The following SHOC1 variants were observed in gnomAD, a reference collection of about 807,000 sequenced individuals.
SHOC1 encodes protein shortage in chiasmata 1 ortholog.
A neutral mutation model predicts 179.2 loss-of-function variants in SHOC1; 136 were observed. That is an observed-to-expected ratio of 0.76 (90% confidence interval 0.66 to 0.87). The LOEUF (loss-of-function observed/expected upper bound fraction) is 0.87. Ranked by LOEUF, SHOC1 falls within the 40% of genes least tolerant of loss-of-function variation. The probability of loss-of-function intolerance (pLI) is 0.00; values close to 1 mark genes in which losing one functional copy is unlikely to be tolerated. For missense variants in SHOC1, 1,538 were observed against 1,700.8 expected (o/e 0.90, Z 1.68); for synonymous variants, 489 against 586.6 (o/e 0.83, Z 2.41).
chr9:111,774,698 CTA>C (rs1183222816), intron 5 of SHOC1, among the ~76,000 whole-genome samples: 8 of 141,000 alleles, frequency 5.7e-5, no homozygotes, highest in South Asian at 4.5e-4. Context: ...CTCTCTCTCT[CTA>C]TATATATATC....
chr9:111,712,773 G>T (rs1428051321), intron 18 of SHOC1, among the ~76,000 whole-genome samples: 2 of 152,114 alleles, frequency 1.3e-5, no homozygotes, highest in Non-Finnish European at 2.9e-5. Flanking sequence ...ATGAACTTTA[G>T]TTTCTTTATT....
At chr9:111,725,671 T>C (rs1032210776) in intron 13 of SHOC1, among the ~76,000 whole-genome samples, 2 of 152,318 alleles carry the variant, frequency 1.3e-5, no homozygotes, top group African/African-American at 4.8e-5. Context: ...TCTGGAGAGA[T>C]GTATAAAAAG....
intron 5 of SHOC1, chr9:111,759,050 A>T: frequency 8.2e-7 from 1 of 1,220,654 alleles, no homozygotes; most frequent in Non-Finnish European, 1.1e-6. Context: ...AAATTTTAGT[A>T]TTATCTAGGA....
intron 12 of SHOC1, chr9:111,738,060 A>T: frequency 2.2e-6 from 1 of 447,142 alleles, no homozygotes; most frequent in Non-Finnish European, 3.9e-6. Flanking sequence ...ATAGAATTTT[A>T]GGACATAACA....
intron 5 of SHOC1, among the ~76,000 whole-genome samples, chr9:111,771,364 G>T (rs879521123): frequency 3.3e-5 from 5 of 152,038 alleles, no homozygotes; most frequent in Non-Finnish European, 5.9e-5. Context: ...TCTCTTAACA[G>T]GTTGCTATAG....
intron 19 of SHOC1, 139 bp from the exon 20 acceptor site, chr9:111,706,885 C>A: frequency 2.0e-6 from 1 of 491,322 alleles, no homozygotes; most frequent in East Asian, 3.2e-5. Context: ...GGTGCGTTTT[C>A]TGTTGATTTG....
intron 12 of SHOC1, among the ~76,000 whole-genome samples, chr9:111,730,413 C>G (rs1308826238): frequency 6.6e-6 from 1 of 152,134 alleles, no homozygotes; most frequent in Non-Finnish European, 1.5e-5. Flanking sequence ...AATAATAACA[C>G]TAGAAAGTAG....
chr9:111,721,615 C>T (rs1833057671), intron 15 of SHOC1, among the ~76,000 whole-genome samples: 2 of 152,228 alleles, frequency 1.3e-5, no homozygotes, highest in Non-Finnish European at 2.9e-5. Context: ...GCTGGGATTA[C>T]AGGCATGAGT....
intron 27 of SHOC1, among the ~76,000 whole-genome samples, chr9:111,689,594 T>G (rs1831335321): frequency 1.3e-5 from 1 of 79,346 alleles, no homozygotes. Context: ...TGATGTACTA[T>G]GGAAAAATAA....
At chr9:111,750,605 G>A (rs1401068395) in intron 8 of SHOC1, among the ~76,000 whole-genome samples, 10 of 152,184 alleles carry the variant, frequency 6.6e-5, no homozygotes, top group Admixed American at 5.9e-4. Context: ...AAAGTGCTGG[G>A]ATTACAGGTG....
intron 5 of SHOC1, chr9:111,759,098 C>T (rs922424991): frequency 2.9e-5 from 43 of 1,495,772 alleles, no homozygotes; most frequent in East Asian, 9.1e-5. Flanking sequence ...AGAGCTGTAA[C>T]GGCTAATACT....
intron 22 of SHOC1, 126 bp from the exon 23 acceptor site, chr9:111,702,352 C>T: frequency 1.6e-6 from 1 of 612,910 alleles, no homozygotes; most frequent in Non-Finnish European, 2.7e-6. Context: ...TATGAGCCCC[C>T]ATTTCATGGA....
intron 8 of SHOC1, among the ~76,000 whole-genome samples, chr9:111,753,686 A>T (rs561328544): frequency 9.2e-5 from 14 of 152,312 alleles, no homozygotes; most frequent in Non-Finnish European, 1.8e-4. Context: ...GATACACTAC[A>T]TTAATAGAAC....
In SHOC1 at chr9:111,703,976, C is replaced by G; in HGVS notation, c.2872G>C (p.Val958Leu). The change falls in exon 22 of 28, where the codon GTA becomes CTA. Residue 958 changes from valine (V) to leucine (L), a missense_variant. Coordinates refer to ENST00000682961, the MANE Select transcript of SHOC1 (RefSeq NM_001378211.1). ...LLESNYNISL[V>L]ERGCSESLKL... ...AATGACTCACTGCAGCCTCTCTCTA[C>G]TAGTGAGATGTTATAGCTGTAAAAT... 6.4e-7 allele frequency: 1 copy of G among 1,566,486 alleles called. No homozygotes were observed. The highest frequency in any genetic ancestry group is 8.7e-7 in the Non-Finnish European group (1 of 1,143,130).
At chr9:111,716,469 C>T (rs2131391818) in intron 16 of SHOC1, among the ~76,000 whole-genome samples, 1 of 139,888 alleles carries the variant, frequency 7.1e-6, no homozygotes, top group Middle Eastern at 4.5e-3. Flanking sequence ...TGGCTCACTG[C>T]AGCCTGTGCC....
chr9:111,705,360 G>T lies in SHOC1; in HGVS notation c.2742C>A (p.Ser914Arg). 1 of 1,484,274 alleles carries T rather than the reference G, an allele frequency of 6.7e-7. No homozygotes were observed. The highest frequency in any genetic ancestry group is 9.0e-7 in the Non-Finnish European group (1 of 1,108,996). 91.9% of individuals were successfully genotyped at this position (1,484,274 alleles called of 1,614,324 possible). The change falls in exon 21 of 28, where the codon AGC becomes AGA. Residue 914 changes from serine to arginine, a missense_variant. Coordinates refer to ENST00000682961, the MANE Select transcript of SHOC1 (RefSeq NM_001378211.1). ...VILPDTVLER[S>R]TLLDRFGGFL... ...AACCTCCAAATCTATCCAGCAAGGTGCTTCCTAAATAAGAGAAAATTTATA... is the reference window on the plus strand; with the variant it reads ...AACCTCCAAATCTATCCAGCAAGGTTCTTCCTAAATAAGAGAAAATTTATA...
rs1564161086 is a variant in SHOC1 at position 111,769,975 on chromosome 9, G to GTTTGTTTTT, written c.442+5815_442+5816insAAAAACAAA. On this transcript the variant is annotated intron_variant, in intron 5 of 27. Coordinates refer to ENST00000682961, the MANE Select transcript of SHOC1 (RefSeq NM_001378211.1). ...AATCTAGCGAAAGGTTTTATCTTCTGTTTTTTTTTTGTTTTTTTTTTTTTT... is the reference window on the plus strand; with the variant it reads ...AATCTAGCGAAAGGTTTTATCTTCTGTTTGTTTTTTTTTTTTTTTGTTTTTTTTTTTTTT... Among the ~76,000 whole-genome samples the GTTTGTTTTT allele has an allele frequency of 1.4e-4, 12 of 87,794 alleles. 2 individuals carry two copies. The highest frequency in any genetic ancestry group is 5.8e-4 in the African/African-American group (11 of 18,824). 57.6% of individuals were successfully genotyped at this position (87,794 alleles called of 152,430 possible).
intron 20 of SHOC1, among the ~76,000 whole-genome samples, chr9:111,705,980 T>A (rs1832253893): frequency 6.6e-6 from 1 of 152,122 alleles, no homozygotes; most frequent in African/African-American, 2.4e-5. Context: ...CTATTTAGAC[T>A]TCCCACTCAT....
chr9:111,722,313 C>A (rs953107226), intron 15 of SHOC1, 96 bp downstream of exon 15: 18 of 1,183,544 alleles, frequency 1.5e-5, no homozygotes, highest in Non-Finnish European at 2.0e-5. Context: ...CCATCTATGG[C>A]TAATTTCTGA....
Sources: allele counts gnomAD v4.1 joint callset (sites outside exome capture counted in the v4.1 genomes callset), GRCh38; gene constraint gnomAD v4.1.1; transcripts MANE v1.5; gene names NCBI Gene and HGNC (gene_info 2026-07-23, HGNC 2026-07-21).